Variants in SCN11A observed in about 807,000 individuals in gnomAD.
The protein encoded by SCN11A is sodium voltage-gated channel alpha subunit 11.
SCN11A carries 122 observed loss-of-function variants against 162.2 expected under a neutral mutation model. The observed-to-expected ratio is 0.75, with a 90% CI of 0.65 to 0.87. The LOEUF is 0.87. Among genes scored for constraint, SCN11A ranks in the 40% least tolerant of loss-of-function variants. The pLI is 0.00. For synonymous variants in SCN11A, 758 were observed against 751.5 expected, an observed-to-expected ratio of 1.01 and a Z score of -0.14; for missense variants, 2,015 against 2,181.6, an observed-to-expected ratio of 0.92 and a Z score of 1.52.
chr3:38,963,405 TATATATATATATGATGGAG>T lies in SCN11A; in HGVS notation c.-279-3001_-279-2983del, dbSNP rs1319735697. Among the ~76,000 whole-genome samples, 472 of 63,928 alleles carry T rather than the reference TATATATATATATGATGGAG, an allele frequency of 7.4e-3. 2 individuals carry two copies. The highest frequency in any genetic ancestry group is 0.01 in the South Asian group (20 of 1,958). 41.9% of individuals were successfully genotyped at this position (63,928 alleles called of 152,430 possible). A position where few individuals can be genotyped will look rare whatever the true frequency, so the allele number is the denominator to read the frequency against. ...TATATATGATGGAGATATATATATA[TATATATATATATGATGGAG>T]ATATATATATATATATATATGATGG... On this transcript the variant is annotated intron_variant, in intron 2 of 29. Coordinates refer to ENST00000302328, the MANE Select transcript of SCN11A (RefSeq NM_001349253.2).
intron 7 of SCN11A, among the ~76,000 whole-genome samples, chr3:38,939,840 T>C (rs898360407): frequency 6.7e-6 from 1 of 150,366 alleles, no homozygotes; most frequent in Admixed American, 6.6e-5. Flanking sequence ...GAGGAGGAGG[T>C]TGTGGTGAGC....
At chr3:38,894,450 T>A in intron 19 of SCN11A, 83 bp downstream of exon 19, 1 of 1,108,004 alleles carries the variant, frequency 9.0e-7, no homozygotes, top group South Asian at 1.5e-5. Context: ...CCTTGCATAG[T>A]GCCTAGAAAA....
In SCN11A at chr3:38,941,960, T is replaced by C. The variant is rs539952532; in HGVS notation, c.488+3451A>G. ...AACCAACTATATGTTGTTTACAAGATATACGCTACAAATACAAAGACACAG... is the reference window on the plus strand; with the variant it reads ...AACCAACTATATGTTGTTTACAAGACATACGCTACAAATACAAAGACACAG... On this transcript the variant is annotated intron_variant, in intron 7 of 29. Transcript: ENST00000302328. Among the ~76,000 whole-genome samples the C allele has an allele frequency of 5.3e-5, 8 of 152,232 alleles. No individual in the cohort carries two copies. In the South Asian group the frequency reaches 1.7e-3, roughly 32 times the overall value.
chr3:38,887,576 T>G (rs985048783), intron 19 of SCN11A, among the ~76,000 whole-genome samples: 1 of 151,010 alleles, frequency 6.6e-6, no homozygotes, highest in Non-Finnish European at 1.5e-5. Context: ...CCCTAAAACT[T>G]AAAGTATAAT....
At chr3:38,977,775 C>T (rs1218504072) in intron 2 of SCN11A, among the ~76,000 whole-genome samples, 2 of 152,124 alleles carry the variant, frequency 1.3e-5, no homozygotes, top group Admixed American at 6.5e-5. Flanking sequence ...GCATGTTTTT[C>T]TTTCTCTCTA....
At chr3:38,981,537 TTGTGTGTGTGTGTGTGTG>T (rs10578149) in intron 2 of SCN11A, among the ~76,000 whole-genome samples, 1 of 145,866 alleles carries the variant, frequency 6.9e-6, no homozygotes, top group Non-Finnish European at 1.5e-5. Context: ...GTGTGTGTGT[TTGTGTGTGTGTGTGTGTG>T]TGTGTGTGTG....
rs1336597595 is a variant in SCN11A, at chr3:38,894,701, C to A, written c.2667G>T (p.Arg889Ser). 1 of 1,614,140 alleles carries A rather than the reference C, an allele frequency of 6.2e-7. No homozygotes were observed. Among genetic ancestry groups the A allele is most frequent in the South Asian group, 1.1e-5 (1 of 91,070 alleles). Residue 889 changes from arginine to serine, a missense_variant, in exon 19 of 30, where the codon AGG (arginine) becomes AGT (serine). By Grantham distance (110) the Arg-to-Ser change is moderately radical. Coordinates refer to ENST00000302328, the MANE Select transcript of SCN11A (RefSeq NM_001349253.2). ...CAAGCTCCTCCTGGGTCTCTGAGCCCCTTTTCATCTCCATGACCAGGGGAA... is the reference window on the plus strand; with the variant it reads ...CAAGCTCCTCCTGGGTCTCTGAGCCACTTTTCATCTCCATGACCAGGGGAA... ...DIIPLVMEMKRGSETQEELGI... is the reference protein window; with the variant it reads ...DIIPLVMEMKSGSETQEELGI...
chr3:38,878,109 G>A (rs866237215), intron 23 of SCN11A, among the ~76,000 whole-genome samples: 5 of 151,566 alleles, frequency 3.3e-5, no homozygotes, highest in South Asian at 2.1e-4. Context: ...AGAAATCACC[G>A]CTAAATAACT....
rs145135505 is a variant in SCN11A at position 38,887,340 on chromosome 3, T to C, written c.2836-1102A>G. On this transcript the variant is annotated intron_variant, in intron 19 of 29. Transcript: ENST00000302328. ...GGGACAATAATTCAAGAGGGGCCACTGGAGCAAGTCACACCACCTGGCACC... is the reference window on the plus strand; with the variant it reads ...GGGACAATAATTCAAGAGGGGCCACCGGAGCAAGTCACACCACCTGGCACC... Among the ~76,000 whole-genome samples, 1,390 of 151,176 alleles carry C rather than the reference T, an allele frequency of 9.2e-3. 10 individuals carry two copies. The highest frequency in any genetic ancestry group is 0.031 in the Middle Eastern group (9 of 294).
At position 38,863,238 on chromosome 3, in the gene SCN11A, T is replaced by C. The variant is rs2064992976; in HGVS notation, c.4013A>G (p.Lys1338Arg). 1 of 1,609,108 alleles carries C rather than the reference T, an allele frequency of 6.2e-7. No individual in the cohort carries two copies. The highest frequency in any genetic ancestry group is 8.5e-7 in the Non-Finnish European group (1 of 1,175,730). ...TTTTTGAGGTTTTTTGGATCCTAAT[T>C]TTTTCATTGCATTATAGTATTTCTT... Reference protein sequence around the residue: ...EQKKYYNAMKKLGSKKPQKPI... With the variant: ...EQKKYYNAMKRLGSKKPQKPI... Residue 1338 changes from lysine to arginine, a missense_variant, in exon 28 of 30, where the codon AAA becomes AGA. By Grantham distance (26) the Lys-to-Arg change is conservative (BLOSUM62 2). Coordinates refer to ENST00000302328, the MANE Select transcript of SCN11A (RefSeq NM_001349253.2).
At chr3:39,019,589 T>C (rs949902016) in intron 2 of SCN11A, among the ~76,000 whole-genome samples, 1 of 152,220 alleles carries the variant, frequency 6.6e-6, no homozygotes, top group Non-Finnish European at 1.5e-5. Flanking sequence ...ATGTTTGGTC[T>C]ATTTTTTCAT....
chr3:39,011,023 C>G (rs1354769157), intron 2 of SCN11A, among the ~76,000 whole-genome samples: 1 of 152,196 alleles, frequency 6.6e-6, no homozygotes, highest in Non-Finnish European at 1.5e-5. Context: ...CCGAACCAAA[C>G]CTAGGGTCTG....
At chr3:38,908,963 G>A (rs769787869) in intron 13 of SCN11A, 34 bp downstream of exon 13, 1 of 1,603,140 alleles carries the variant, frequency 6.2e-7, no homozygotes, top group Non-Finnish European at 8.5e-7. Context: ...CCCCTCCCCA[G>A]AGCAGATCCC....
chr3:38,887,759 C>T (rs1041810130), intron 19 of SCN11A, among the ~76,000 whole-genome samples: 4 of 152,156 alleles, frequency 2.6e-5, no homozygotes, highest in Admixed American at 6.6e-5. Flanking sequence ...TCATAAGCAG[C>T]TAGCAGCCGG....
intron 2 of SCN11A, among the ~76,000 whole-genome samples, chr3:39,017,101 G>A (rs148476007): frequency 4.7e-4 from 71 of 152,272 alleles, no homozygotes; most frequent in Non-Finnish European, 8.4e-4. Flanking sequence ...TATCATGAGA[G>A]TGGAGCCCTC....
chr3:38,850,766 A>G lies in SCN11A; in HGVS notation c.4057-15T>C. 2.6e-6 allele frequency: 4 copies of G among 1,556,492 alleles called. No homozygotes were observed. The highest frequency in any genetic ancestry group is 3.5e-6 in the Non-Finnish European group (4 of 1,152,124). On this transcript the variant is annotated splice_polypyrimidine_tract_variant and intron_variant, in intron 28 of 29. Transcript: ENST00000302328. ...TGACATTTGTTCTGAGAAAAAAAAG[A>G]AATTATAAATCATTTTGAATGCAAG...
rs552732355 is a variant in SCN11A, at chr3:38,977,294, G to A, written c.-279-16871C>T. ...CAGTTGGCCTGCTATTCCTCCTCCCGCTCCACTGGCCCTGTACACGCCACA... is the reference window on the plus strand; with the variant it reads ...CAGTTGGCCTGCTATTCCTCCTCCCACTCCACTGGCCCTGTACACGCCACA... On this transcript the variant is annotated intron_variant, in intron 2 of 29. Coordinates refer to ENST00000302328, the MANE Select transcript of SCN11A (RefSeq NM_001349253.2). Among the ~76,000 whole-genome samples, 11 of 152,112 alleles carry A rather than the reference G, an allele frequency of 7.2e-5. No individual in the cohort carries two copies. In the East Asian group the frequency reaches 7.7e-4, roughly 11 times the overall value.
At chr3:38,982,273 GACC>G (rs1365714799) in intron 2 of SCN11A, among the ~76,000 whole-genome samples, 1 of 152,202 alleles carries the variant, frequency 6.6e-6, no homozygotes. Flanking sequence ...TACTCTGTGG[GACC>G]ACATCTGGAC....
intron 1 of SCN11A, among the ~76,000 whole-genome samples, chr3:39,033,274 A>T (rs2031812406): frequency 1.3e-5 from 2 of 152,170 alleles, no homozygotes; most frequent in Non-Finnish European, 2.9e-5. Flanking sequence ...TTGGAAGCAG[A>T]AGCCTTCTAA....
Sources: gnomAD v4.1 joint callset for allele counts (sites outside exome capture counted in the v4.1 genomes callset) on GRCh38, gnomAD v4.1.1 for gene constraint, MANE v1.5 for transcripts, NCBI Gene and HGNC (gene_info 2026-07-23, HGNC 2026-07-21) for gene names.